CCDC178: variants seen among roughly 807,000 people sequenced by gnomAD.
CCDC178 encodes the protein coiled-coil domain containing 178.
A neutral mutation model predicts 117.4 loss-of-function variants in CCDC178; 126 were observed. The ratio of observed to expected loss-of-function variants is 1.07; its 90% CI spans 0.93 to 1.24. The LOEUF is 1.24. Among genes scored for constraint, CCDC178 ranks in the 50% most tolerant of loss-of-function variants. The pLI is 0.00. For missense variants in CCDC178, 1,030 were observed against 986.9 expected (o/e 1.04, Z -0.59); for synonymous variants, 283 against 313.4 (o/e 0.90, Z 1.02).
At chr18:33,263,701 A>T (rs1455530413) in intron 14 of CCDC178, among the ~76,000 whole-genome samples, 1 of 152,060 alleles carries the variant, frequency 6.6e-6, no homozygotes. Context: ...AGACGTTACT[A>T]CTCTTAAGGC....
intron 21 of CCDC178, among the ~76,000 whole-genome samples, chr18:33,053,847 T>G (rs1277811369): frequency 6.6e-6 from 1 of 152,208 alleles, no homozygotes; most frequent in African/African-American, 2.4e-5. Context: ...ATGACAACTT[T>G]TTGTTTTGAA....
At position 33,015,136 on chromosome 18, in the gene CCDC178, A is replaced by G. The variant is rs143627235; in HGVS notation, c.2389-40455T>C. On this transcript the variant is annotated intron_variant, in intron 21 of 22. Transcript: ENST00000383096. ...CCGGGTGTAGTGGTGGGTGCCTGTA[A>G]TCCCAGCTACTTGGGAGGCTGAGGC... Among the ~76,000 whole-genome samples, 1,354 of 151,854 alleles carry G rather than the reference A, an allele frequency of 8.9e-3. 21 individuals carry two copies. The highest frequency in any genetic ancestry group is 0.031 in the African/African-American group (1,299 of 41,412).
chr18:33,066,727 TTAAG>T (rs2144981863), intron 21 of CCDC178, among the ~76,000 whole-genome samples: 1 of 152,248 alleles, frequency 6.6e-6, no homozygotes, highest in African/African-American at 2.4e-5. Context: ...GAAACAGACT[TTAAG>T]TAAAAGACTG....
intron 3 of CCDC178, among the ~76,000 whole-genome samples, chr18:33,401,932 T>G (rs915442387): frequency 6.6e-6 from 1 of 152,082 alleles, no homozygotes; most frequent in Non-Finnish European, 1.5e-5. Flanking sequence ...AAATGTAAAG[T>G]AGAGCAATTG....
At chr18:32,990,534 A>G (rs1363225174) in intron 21 of CCDC178, among the ~76,000 whole-genome samples, 1 of 152,150 alleles carries the variant, frequency 6.6e-6, no homozygotes, top group Non-Finnish European at 1.5e-5. Context: ...ATTGATTCTG[A>G]ATGTGAAAAA....
chr18:33,435,932 G>T (rs2064283503), intron 2 of CCDC178, among the ~76,000 whole-genome samples: 1 of 151,892 alleles, frequency 6.6e-6, no homozygotes, highest in African/African-American at 2.4e-5. Flanking sequence ...GAGGAGAGAG[G>T]ACCACTGAAA....
intron 21 of CCDC178, among the ~76,000 whole-genome samples, chr18:32,976,553 A>G (rs2055032322): frequency 1.3e-5 from 2 of 152,136 alleles, no homozygotes; most frequent in Non-Finnish European, 2.9e-5. Flanking sequence ...TCAATTTGAA[A>G]CAGTGGACAA....
chr18:33,134,917 T>C (rs2058107695), intron 20 of CCDC178, among the ~76,000 whole-genome samples: 1 of 152,140 alleles, frequency 6.6e-6, no homozygotes, highest in Non-Finnish European at 1.5e-5. Context: ...CAAAAGATAT[T>C]GCTTAATTCC....
chr18:33,401,790 T>C (rs1003264221), intron 3 of CCDC178, among the ~76,000 whole-genome samples: 12 of 151,970 alleles, frequency 7.9e-5, no homozygotes, highest in Non-Finnish European at 1.2e-4. Context: ...AAATAATATA[T>C]AAAGGCTTCA....
At chr18:33,350,647 C>G (rs936328090) in intron 7 of CCDC178, among the ~76,000 whole-genome samples, 1 of 152,064 alleles carries the variant, frequency 6.6e-6, no homozygotes, top group Non-Finnish European at 1.5e-5. Context: ...TGTGTATATA[C>G]AACACATTTG....
intron 3 of CCDC178, among the ~76,000 whole-genome samples, chr18:33,409,628 A>C (rs993141783): frequency 6.6e-6 from 1 of 152,200 alleles, no homozygotes; most frequent in African/African-American, 2.4e-5. Context: ...ATAGCAATAA[A>C]CACTGGCATA....
At chr18:32,947,736 T>C (rs548503502) in intron 22 of CCDC178, among the ~76,000 whole-genome samples, 16 of 152,260 alleles carry the variant, frequency 1.1e-4, no homozygotes, top group South Asian at 2.1e-4. Context: ...CAATTTATTA[T>C]TTTATTCTTG....
chr18:33,184,336 G>A (rs917837789), intron 20 of CCDC178, among the ~76,000 whole-genome samples: 1 of 151,948 alleles, frequency 6.6e-6, no homozygotes, highest in African/African-American at 2.4e-5. Flanking sequence ...TACAGAATAA[G>A]AGGAAGTGTG....
chr18:33,115,722 T>C (rs1188888681), intron 20 of CCDC178, among the ~76,000 whole-genome samples: 2 of 152,164 alleles, frequency 1.3e-5, no homozygotes, highest in Admixed American at 6.6e-5. Context: ...AGACCATCTA[T>C]AGTGACCATA....
chr18:33,015,023 A>T (rs569072873), intron 21 of CCDC178, among the ~76,000 whole-genome samples: 71 of 152,302 alleles, frequency 4.7e-4, no homozygotes, highest in Admixed American at 4.6e-3. Context: ...TGGGAGGCCG[A>T]GGCGTGCAGA....
chr18:33,298,575 C>T (rs1176371271), intron 11 of CCDC178, among the ~76,000 whole-genome samples: 2 of 152,170 alleles, frequency 1.3e-5, no homozygotes, highest in African/African-American at 4.8e-5. Context: ...TAGAACAAGA[C>T]AAGGACGTCC....
intron 14 of CCDC178, among the ~76,000 whole-genome samples, chr18:33,247,029 T>G (rs1406438705): frequency 1.3e-5 from 2 of 151,130 alleles, no homozygotes; most frequent in Non-Finnish European, 3.0e-5. Flanking sequence ...AGAAGATATG[T>G]GTGTAGGAGA....
rs79579653 is a variant in CCDC178 at position 33,004,664 on chromosome 18, C to A, written c.2389-29983G>T. On this transcript the variant is annotated intron_variant, in intron 21 of 22. Transcript: ENST00000383096. ...GCTTCTGCACAGCAAAGGAAACAATCAAGTGAAGAGACAACCCATCGGATG... is the reference window on the plus strand; with the variant it reads ...GCTTCTGCACAGCAAAGGAAACAATAAAGTGAAGAGACAACCCATCGGATG... 9.3e-3 allele frequency among the ~76,000 whole-genome samples: 1,411 copies of A among 152,092 alleles called. 23 individuals carry two copies. The highest frequency in any genetic ancestry group is 0.033 in the African/African-American group (1,355 of 41,520).
chr18:32,958,776 G>T (rs753063104), intron 22 of CCDC178, among the ~76,000 whole-genome samples: 40 of 152,148 alleles, frequency 2.6e-4, no homozygotes, highest in Admixed American at 2.6e-3. Flanking sequence ...CTGCAAGCTT[G>T]CTGCCTTCCT....
Sources: allele counts gnomAD v4.1 joint callset (sites outside exome capture counted in the v4.1 genomes callset), GRCh38; gene constraint gnomAD v4.1.1; transcripts MANE v1.5; gene names NCBI Gene and HGNC (gene_info 2026-07-23, HGNC 2026-07-21).